Variants in GRM7 observed in about 807,000 individuals in gnomAD.
The protein encoded by GRM7 is metabotropic glutamate receptor 7.
A neutral mutation model predicts 84.5 loss-of-function variants in GRM7; 35 were observed. That is an observed-to-expected ratio of 0.41 (90% CI 0.32 to 0.55). The LOEUF (loss-of-function observed/expected upper bound fraction) is 0.55. Among genes scored for constraint, GRM7 ranks in the 20% least tolerant of loss-of-function variants. GRM7 has a pLI of 0.19. For missense variants in GRM7, 1,003 were observed against 1,194.6 expected, an observed-to-expected ratio of 0.84 and a Z score of 2.36; for synonymous variants, 487 against 455.1, an observed-to-expected ratio of 1.07 and a Z score of -0.89.
chr3:7,327,467 CAAAG>C (rs1460339753), intron 4 of GRM7, among the ~76,000 whole-genome samples: 5 of 152,112 alleles, frequency 3.3e-5, no homozygotes, highest in East Asian at 1.9e-4. Flanking sequence ...TTGGGGTCAA[CAAAG>C]AAATATTGAT....
At chr3:7,553,215 A>AT (rs955714573) in intron 7 of GRM7, among the ~76,000 whole-genome samples, 1 of 152,192 alleles carries the variant, frequency 6.6e-6, no homozygotes. Context: ...GTCACCTTTG[A>AT]TCCAATTCCC....
At chr3:7,198,963 T>G (rs916525837) in intron 2 of GRM7, among the ~76,000 whole-genome samples, 2 of 152,186 alleles carry the variant, frequency 1.3e-5, no homozygotes, top group African/African-American at 4.8e-5. Flanking sequence ...AGTTTTTTAA[T>G]GGGATTCATA....
chr3:7,308,909 T>C (rs1421106235), intron 4 of GRM7, among the ~76,000 whole-genome samples: 3 of 152,216 alleles, frequency 2.0e-5, no homozygotes, highest in Admixed American at 6.5e-5. Flanking sequence ...ATTATTTTCA[T>C]GTAGATATAG....
chr3:7,432,213 C>A (rs1052560395), intron 5 of GRM7, among the ~76,000 whole-genome samples: 1 of 152,158 alleles, frequency 6.6e-6, no homozygotes, highest in African/African-American at 2.4e-5. Flanking sequence ...AATTAATCAA[C>A]CCTTATTACC....
In GRM7 at chr3:7,688,391, A is replaced by G. The variant is rs145783269; in HGVS notation, c.2698+8096A>G. Among the ~76,000 whole-genome samples the G allele has an allele frequency of 1.6e-4, 25 of 152,216 alleles. 1 individual carries two copies. The East Asian group carries it at 4.6e-3, about 28-fold the overall frequency. On this transcript the variant is annotated intron_variant, in intron 9 of 9. Transcript: ENST00000357716. ...CCTATGTCAATATCATAGGGCTTTT[A>G]TTAGTTTATTATTCTATTTCTTCCC... is the stretch of plus-strand genomic sequence containing the variant.
At chr3:7,411,174 T>C (rs1277430605) in intron 4 of GRM7, among the ~76,000 whole-genome samples, 2 of 152,236 alleles carry the variant, frequency 1.3e-5, no homozygotes, top group South Asian at 2.1e-4. Flanking sequence ...AGGATCATCC[T>C]GTCAAGAGAT....
At chr3:6,958,179 C>A (rs1281958639) in intron 1 of GRM7, among the ~76,000 whole-genome samples, 1 of 151,310 alleles carries the variant, frequency 6.6e-6, no homozygotes, top group African/African-American at 2.4e-5. Context: ...CCTATGCAAT[C>A]TTTGTTACTC....
At chr3:7,065,036 G>T (rs548896969) in intron 1 of GRM7, among the ~76,000 whole-genome samples, 1 of 151,788 alleles carries the variant, frequency 6.6e-6, no homozygotes, top group Non-Finnish European at 1.5e-5. Flanking sequence ...TGATGGGATT[G>T]TTTGTTTTTT....
At chr3:7,416,593 G>C (rs992958687) in intron 5 of GRM7, among the ~76,000 whole-genome samples, 3 of 152,036 alleles carry the variant, frequency 2.0e-5, no homozygotes, top group Middle Eastern at 3.2e-3. Context: ...TGTGAAAAAG[G>C]AGAAATGTAC....
At chr3:7,050,466 A>C (rs1696953965) in intron 1 of GRM7, among the ~76,000 whole-genome samples, 1 of 151,866 alleles carries the variant, frequency 6.6e-6, no homozygotes. Context: ...ATCTAAACAC[A>C]TGTTATATCC....
intron 2 of GRM7, among the ~76,000 whole-genome samples, chr3:7,207,560 A>C (rs951382473): frequency 6.6e-6 from 1 of 152,196 alleles, no homozygotes; most frequent in Non-Finnish European, 1.5e-5. Flanking sequence ...CCCAGTCTTC[A>C]TCTAACATGT....
intron 5 of GRM7, among the ~76,000 whole-genome samples, chr3:7,450,879 T>C (rs962169115): frequency 6.6e-6 from 1 of 152,114 alleles, no homozygotes; most frequent in African/African-American, 2.4e-5. Context: ...CAAATTCAAG[T>C]AAATTTGGGA....
At chr3:7,650,762 G>C (rs142187764) in intron 8 of GRM7, among the ~76,000 whole-genome samples, 1,953 of 152,248 alleles carry the variant, frequency 0.013, 48 homozygotes, top group African/African-American at 0.045. Context: ...CTGTTGCCCA[G>C]GCTGGAGTGC....
At chr3:7,695,726 A>ATCTT (rs1278546381) in intron 9 of GRM7, among the ~76,000 whole-genome samples, 67 of 152,180 alleles carry the variant, frequency 4.4e-4, no homozygotes, top group African/African-American at 1.3e-3. Flanking sequence ...AATTGGTATA[A>ATCTT]TCTTAGTAAC....
At position 6,861,376 on chromosome 3, in the gene GRM7, C is replaced by G; in HGVS notation, c.-13C>G. 1 of 1,503,894 alleles carries G rather than the reference C, an allele frequency of 6.6e-7. No individual in the cohort carries two copies. Among genetic ancestry groups the G allele is most frequent in the Non-Finnish European group, 8.8e-7 (1 of 1,138,128 alleles). The allele number at this position is 1,503,894 out of a possible 1,614,324, so 93.2% of individuals were successfully genotyped here. On this transcript the variant is annotated 5_prime_UTR_variant, in exon 1 of 10. Coordinates refer to ENST00000357716, the MANE Select transcript of GRM7 (RefSeq NM_000844.4). The surrounding 1 kb of genome is among the most constrained non-coding windows in gnomAD (Gnocchi z 6.4). ...TCCAGCGCCGCCGCCGCCACCGCAG[C>G]AGCCGGAGCAGCATGGTCCAGCTGA...
chr3:7,467,314 G>A (rs1414408377), intron 7 of GRM7, among the ~76,000 whole-genome samples: 3 of 152,116 alleles, frequency 2.0e-5, no homozygotes, highest in Non-Finnish European at 4.4e-5. Flanking sequence ...GTCTTGATCT[G>A]CTGACCTTGT....
intron 7 of GRM7, among the ~76,000 whole-genome samples, chr3:7,561,195 G>A (rs560129921): frequency 3.3e-5 from 5 of 152,066 alleles, no homozygotes; most frequent in South Asian, 2.1e-4. Flanking sequence ...TTCTGAATGC[G>A]TTTTTGCCAT....
At chr3:7,030,461 A>T (rs1171222116) in intron 1 of GRM7, among the ~76,000 whole-genome samples, 2 of 152,232 alleles carry the variant, frequency 1.3e-5, no homozygotes, top group Non-Finnish European at 2.9e-5. Flanking sequence ...TGAATAGTTT[A>T]AATATGTGAA....
intron 2 of GRM7, among the ~76,000 whole-genome samples, chr3:7,148,437 A>T (rs1694176456): frequency 6.6e-6 from 1 of 152,222 alleles, no homozygotes; most frequent in Non-Finnish European, 1.5e-5. Flanking sequence ...AACTGGATGA[A>T]GCAAAGGAAG....
Sources: gnomAD v4.1 joint callset for allele counts (sites outside exome capture counted in the v4.1 genomes callset) on GRCh38, gnomAD v4.1.1 for gene constraint, Gnocchi (gnomAD v3.1) non-coding constraint, MANE v1.5 for transcripts, NCBI Gene and HGNC (gene_info 2026-07-23, HGNC 2026-07-21) for gene names.